CREB5: variants seen among roughly 807,000 people sequenced by gnomAD.
The protein encoded by CREB5 is cAMP responsive element binding protein 5.
Under a neutral mutation model 57.1 loss-of-function variants are expected in CREB5, and 19 were observed. That is an observed-to-expected ratio of 0.33 (90% confidence interval 0.23 to 0.49). The LOEUF (loss-of-function observed/expected upper bound fraction) is 0.49. Among genes scored for constraint, CREB5 ranks in the 20% least tolerant of loss-of-function variants. The probability of loss-of-function intolerance (pLI) is 0.99; values close to 1 mark genes in which losing one functional copy is unlikely to be tolerated. For missense variants in CREB5, 579 were observed against 671.6 expected (o/e 0.86, Z 1.52); for synonymous variants, 238 against 238.3 (o/e 1.00, Z 0.01).
At chr7:28,630,560 C>T (rs567999683) in intron 5 of CREB5, among the ~76,000 whole-genome samples, 1 of 152,214 alleles carries the variant, frequency 6.6e-6, no homozygotes, top group East Asian at 1.9e-4. Flanking sequence ...GCTGGGTGTG[C>T]AGCAGCTGAA....
intron 5 of CREB5, among the ~76,000 whole-genome samples, chr7:28,578,815 T>C (rs1796004143): frequency 6.6e-6 from 1 of 152,224 alleles, no homozygotes; most frequent in Non-Finnish European, 1.5e-5. Flanking sequence ...TTTCACCAAA[T>C]AAATTTTCTC....
intron 5 of CREB5, among the ~76,000 whole-genome samples, chr7:28,666,830 G>A (rs1022546408): frequency 2.0e-5 from 3 of 151,862 alleles, no homozygotes; most frequent in Non-Finnish European, 4.4e-5. Context: ...CTACTTGGAG[G>A]CTGAGGCGGG....
intron 7 of CREB5, among the ~76,000 whole-genome samples, chr7:28,794,032 A>C (rs1175243079): frequency 6.6e-6 from 1 of 152,214 alleles, no homozygotes; most frequent in Admixed American, 6.5e-5. Flanking sequence ...ACTTCTGTGC[A>C]ATTAAAATCC....
chr7:28,569,743 T>A (rs1208111666), intron 4 of CREB5, among the ~76,000 whole-genome samples: 1 of 152,206 alleles, frequency 6.6e-6, no homozygotes, highest in Admixed American at 6.5e-5. Flanking sequence ...TTGTGAGAGA[T>A]GGATTTTATG....
chr7:28,467,634 T>C (rs1182243305), intron 1 of CREB5, among the ~76,000 whole-genome samples: 1 of 152,134 alleles, frequency 6.6e-6, no homozygotes, highest in South Asian at 2.1e-4. Context: ...GAAGTTGCTG[T>C]TGTGTGGCGA....
At chr7:28,783,157 C>T (rs547363787) in intron 7 of CREB5, among the ~76,000 whole-genome samples, 2 of 152,132 alleles carry the variant, frequency 1.3e-5, no homozygotes, top group Non-Finnish European at 2.9e-5. Context: ...ACTCACGTGC[C>T]TCACTCCTCC....
chr7:28,382,833 G>A (rs577224454), intron 1 of CREB5, among the ~76,000 whole-genome samples: 19 of 151,924 alleles, frequency 1.3e-4, no homozygotes, highest in African/African-American at 4.1e-4. Flanking sequence ...TCAAGAGAAC[G>A]GGGTCATTAT....
At chr7:28,727,961 TTTGA>T (rs1271504234) in intron 7 of CREB5, among the ~76,000 whole-genome samples, 2 of 149,484 alleles carry the variant, frequency 1.3e-5, no homozygotes, top group South Asian at 2.1e-4. Context: ...TGTTTGTTTG[TTTGA>T]GGCAGGATCT....
intron 5 of CREB5, among the ~76,000 whole-genome samples, chr7:28,692,013 C>CAAAAA (rs10660459): frequency 2.9e-5 from 3 of 102,852 alleles, no homozygotes; most frequent in Admixed American, 1.0e-4. Flanking sequence ...TACTAAAATA[C>CAAAAA]AAAAAAAAAA....
intron 1 of CREB5, among the ~76,000 whole-genome samples, chr7:28,340,774 G>A (rs1166585152): frequency 6.6e-6 from 1 of 152,174 alleles, no homozygotes; most frequent in East Asian, 1.9e-4. Context: ...GAACACTTTA[G>A]CCTGCAGTGG....
intron 1 of CREB5, among the ~76,000 whole-genome samples, chr7:28,446,425 A>G (rs1351636241): frequency 6.6e-6 from 1 of 152,170 alleles, no homozygotes; most frequent in Non-Finnish European, 1.5e-5. Context: ...AAAGAACTAG[A>G]CATTTGGTGG....
At position 28,560,837 on chromosome 7, in the gene CREB5, TGTGTGTGCGC is replaced by T. The variant is rs1319168475; in HGVS notation, c.292-9520_292-9511del. ...GTGTGTGTGTGCGCGCGCGCGCGTG[TGTGTGTGCGC>T]GTGTGTGTGTGCGTGTGCCTGCGTG... On this transcript the variant is annotated intron_variant, in intron 4 of 10. Transcript: ENST00000357727. Among the ~76,000 whole-genome samples, 288 of 92,216 alleles carry T rather than the reference TGTGTGTGCGC, an allele frequency of 3.1e-3. 31 individuals carry two copies. Among genetic ancestry groups the T allele is most frequent in the African/African-American group, 6.8e-3 (157 of 22,984 alleles). 60.5% of individuals were successfully genotyped at this position (92,216 alleles called of 152,430 possible).
chr7:28,472,526 CTG>C (rs1286274963), intron 1 of CREB5, among the ~76,000 whole-genome samples: 1 of 152,080 alleles, frequency 6.6e-6, no homozygotes, highest in Non-Finnish European at 1.5e-5. Flanking sequence ...GTCACAGGGG[CTG>C]TGTTCTTTCT....
chr7:28,418,098 A>G (rs1434574810), intron 1 of CREB5, among the ~76,000 whole-genome samples: 4 of 152,046 alleles, frequency 2.6e-5, no homozygotes, highest in African/African-American at 9.7e-5. Context: ...GGAAATTTTT[A>G]CTCCAGTTGA....
chr7:28,663,739 G>C (rs1799705493), intron 5 of CREB5, among the ~76,000 whole-genome samples: 1 of 151,982 alleles, frequency 6.6e-6, no homozygotes, highest in African/African-American at 2.4e-5. Context: ...GTAATAGATA[G>C]AGAGATTCTA....
At chr7:28,300,650 GT>G in intron 1 of CREB5, among the ~76,000 whole-genome samples, 1 of 152,290 alleles carries the variant, frequency 6.6e-6, no homozygotes, top group South Asian at 2.1e-4. Context: ...TGGATAGTCT[GT>G]GCCGAAACTG....
At chr7:28,795,629 A>G (rs1807984254) in intron 7 of CREB5, among the ~76,000 whole-genome samples, 1 of 152,236 alleles carries the variant, frequency 6.6e-6, no homozygotes, top group Admixed American at 6.5e-5. Flanking sequence ...TAAGTCTCAG[A>G]TGAAGTCAAG....
At position 28,336,806 on chromosome 7, in the gene CREB5, T is replaced by C. The variant is rs919359230; in HGVS notation, c.-25+37365T>C. On this transcript the variant is annotated intron_variant, in intron 1 of 9. Coordinates refer to the CREB5 transcript ENST00000396299. ...TTAGATCGTTTCTTAGAAGTTTTTTTTTTACTTTTTTGATGCGTGCTTACA... is the reference window on the plus strand; with the variant it reads ...TTAGATCGTTTCTTAGAAGTTTTTTCTTTACTTTTTTGATGCGTGCTTACA... Among the ~76,000 whole-genome samples the C allele has an allele frequency of 3.2e-4, 48 of 151,992 alleles. 2 individuals are homozygous for C. The highest frequency in any genetic ancestry group is 6.2e-4 in the South Asian group (3 of 4,838).
intron 1 of CREB5, among the ~76,000 whole-genome samples, chr7:28,378,732 G>T (rs142260994): frequency 6.6e-6 from 1 of 152,332 alleles, no homozygotes; most frequent in African/African-American, 2.4e-5. Context: ...CTGCCATAGT[G>T]ATTGCCCTTT....
Sources: allele counts gnomAD v4.1 joint callset (sites outside exome capture counted in the v4.1 genomes callset), GRCh38; gene constraint gnomAD v4.1.1; transcripts MANE v1.5; gene names NCBI Gene and HGNC (gene_info 2026-07-23, HGNC 2026-07-21).